The following C1orf141 variants were observed in gnomAD, a reference collection of about 807,000 sequenced individuals.
The protein encoded by C1orf141 is uncharacterized protein C1orf141.
In C1orf141, 19 loss-of-function variants were observed where a neutral mutation model predicts 23.2. The observed-to-expected ratio is 0.82, with a 90% CI of 0.57 to 1.20. The LOEUF (loss-of-function observed/expected upper bound fraction) is 1.20, where lower values mean the gene tolerates loss of function less well. Among genes scored for constraint, C1orf141 ranks in the 50% most tolerant of loss-of-function variants. The pLI is 0.00. For synonymous variants in C1orf141, 153 were observed against 154.6 expected (o/e 0.99, Z 0.08); for missense variants, 469 against 455.1 (o/e 1.03, Z -0.28).
At chr1:67,127,134 T>C in intron 3 of C1orf141, 32 bp downstream of exon 3, 2 of 1,449,354 alleles carry the variant, frequency 1.4e-6, no homozygotes, top group Non-Finnish European at 1.9e-6. Context: ...CTGTTAATGA[T>C]TAAACTGAAT....
At chr1:67,125,634 G>C in intron 4 of C1orf141, 118 bp downstream of exon 4, 1 of 970,236 alleles carries the variant, frequency 1.0e-6, no homozygotes, top group East Asian at 2.4e-5. Flanking sequence ...GGGAAGTTGA[G>C]GCTGCAGTGA....
At chr1:67,129,841 G>A (rs1218201534) in intron 2 of C1orf141, among the ~76,000 whole-genome samples, 1 of 152,162 alleles carries the variant, frequency 6.6e-6, no homozygotes, top group East Asian at 1.9e-4. Context: ...AACCTCACTA[G>A]TGCCAATTTG....
intron 5 of C1orf141, among the ~76,000 whole-genome samples, chr1:67,114,929 G>T (rs1053612410): frequency 6.6e-6 from 1 of 152,360 alleles, no homozygotes; most frequent in South Asian, 2.1e-4. Flanking sequence ...ACCCGCCTCG[G>T]CCTCCCAAAG....
chr1:67,103,026 G>T (rs1349325708), intron 5 of C1orf141, among the ~76,000 whole-genome samples: 1 of 152,052 alleles, frequency 6.6e-6, no homozygotes, highest in Non-Finnish European at 1.5e-5. Context: ...ACAGTAATTT[G>T]GTTAACTAAG....
intron 7 of C1orf141, 177 bp from the exon 8 acceptor site, chr1:67,093,781 A>G (rs1194134522): frequency 2.4e-6 from 1 of 417,884 alleles, no homozygotes; most frequent in East Asian, 3.7e-5. Context: ...TATGTAACAT[A>G]CATCCTTCTT....
At position 67,093,138 on chromosome 1, in the gene C1orf141, G is replaced by T. The variant is rs766369008; in HGVS notation, c.1070C>A (p.Thr357Lys). The T allele has an allele frequency of 1.9e-6, 3 of 1,613,908 alleles. No individual in the cohort carries two copies. Among genetic ancestry groups the T allele is most frequent in the Non-Finnish European group, 2.5e-6 (3 of 1,179,870 alleles). Residue 357 changes from threonine (T) to lysine (K), a missense_variant, in exon 8 of 8, where the codon ACG (threonine) becomes AAG (lysine). Coordinates refer to ENST00000684719, the MANE Select transcript of C1orf141 (RefSeq NM_001276351.2). The stretch of plus-strand genomic sequence containing the variant: ...TAAGGCACTGGATGTGGGTATGCTC[G>T]TTGGTTTTCCTGCAGAAAACATTCT... Reference protein sequence around the residue: ...FERMFSAGKPTSIPTSSALPV... With the variant: ...FERMFSAGKPKSIPTSSALPV...
upstream of C1orf141, chr1:67,138,816 G>A (rs185323899): frequency 3.9e-4 from 59 of 152,380 alleles, no homozygotes; most frequent in African/African-American, 1.4e-3. Flanking sequence ...GCAGCCCCCT[G>A]GTTCTAAGGA....
At chr1:67,093,765 T>C in intron 7 of C1orf141, 161 bp from the exon 8 acceptor site, 1 of 479,382 alleles carries the variant, frequency 2.1e-6, no homozygotes, top group East Asian at 3.4e-5. Context: ...GAAAATACTG[T>C]ACTTGTATGT....
intron 5 of C1orf141, among the ~76,000 whole-genome samples, chr1:67,096,609 G>A (rs1645687037): frequency 6.6e-6 from 1 of 152,192 alleles, no homozygotes; most frequent in Admixed American, 6.5e-5. Flanking sequence ...TTTCTGATAT[G>A]TGGAGCCATT....
At chr1:67,125,037 ACT>A (rs1646378331) in intron 4 of C1orf141, among the ~76,000 whole-genome samples, 1 of 152,224 alleles carries the variant, frequency 6.6e-6, no homozygotes, top group Admixed American at 6.5e-5. Context: ...TTATGCAAGT[ACT>A]AAATGCCAGT....
At chr1:67,104,367 C>T (rs1167802361) in intron 5 of C1orf141, among the ~76,000 whole-genome samples, 1 of 151,962 alleles carries the variant, frequency 6.6e-6, no homozygotes, top group East Asian at 1.9e-4. Context: ...AGCAGGAAGG[C>T]ATTTATTATT....
chr1:67,097,408 G>T (rs1645706655), intron 5 of C1orf141, among the ~76,000 whole-genome samples: 1 of 152,148 alleles, frequency 6.6e-6, no homozygotes, highest in Non-Finnish European at 1.5e-5. Context: ...TGAGTAAAGA[G>T]AAAGAGGCAG....
At chr1:67,114,608 G>A (rs919825660) in intron 5 of C1orf141, among the ~76,000 whole-genome samples, 1 of 152,156 alleles carries the variant, frequency 6.6e-6, no homozygotes, top group African/African-American at 2.4e-5. Flanking sequence ...AGAGAAAAAC[G>A]AAGGCAACAC....
intron 2 of C1orf141, among the ~76,000 whole-genome samples, chr1:67,130,228 G>C (rs1239856501): frequency 6.6e-6 from 1 of 152,142 alleles, no homozygotes; most frequent in Non-Finnish European, 1.5e-5. Flanking sequence ...GAGTTCAAGA[G>C]GGGGAGAAGG....
chr1:67,126,875 T>A (rs781562791), intron 3 of C1orf141, among the ~76,000 whole-genome samples: 1 of 152,238 alleles, frequency 6.6e-6, no homozygotes, highest in African/African-American at 2.4e-5. Context: ...CAAACCTGGA[T>A]GCAAATGTCC....
intron 2 of C1orf141, 127 bp from the exon 3 acceptor site, chr1:67,127,384 A>G: frequency 1.7e-6 from 1 of 580,212 alleles, no homozygotes; most frequent in East Asian, 3.0e-5. Context: ...TTTAAATCAT[A>G]CAGTAAATCA....
At chr1:67,133,129 A>C (rs2102512084) in intron 1 of C1orf141, among the ~76,000 whole-genome samples, 1 of 152,308 alleles carries the variant, frequency 6.6e-6, no homozygotes, top group East Asian at 1.9e-4. Context: ...CTTTGGGACT[A>C]AAAACAAACA....
intron 5 of C1orf141, among the ~76,000 whole-genome samples, chr1:67,108,919 A>T (rs1053380517): frequency 2.0e-5 from 3 of 152,182 alleles, no homozygotes; most frequent in Non-Finnish European, 2.9e-5. Flanking sequence ...TAATTTAAAA[A>T]TTTTTTAAAA....
rs758706442 is a variant in C1orf141 at position 67,125,890 on chromosome 1, T to G, written c.95A>C (p.Glu32Ala). 1 of 1,601,740 alleles carries G rather than the reference T, an allele frequency of 6.2e-7. No individual in the cohort carries two copies. Among genetic ancestry groups the G allele is most frequent in the Non-Finnish European group, 8.5e-7 (1 of 1,171,660 alleles). ...TATAGCCATAGTTGTTTTTCTTCCT[T>G]CACTCTGAAGCCTGTTTATCTGCAG... ...RRTKINRLQSEGRKTTMAIPL... is the reference protein window; with the variant it reads ...RRTKINRLQSAGRKTTMAIPL... Residue 32 changes from glutamate (E) to alanine (A), a missense_variant, in exon 4 of 8, where the codon GAA becomes GCA. Physicochemically the swap from Glu to Ala is moderately radical, Grantham distance 107 (BLOSUM62 -1). This residue lies in a region of C1orf141 where 95 missense variants were observed against 90.3 expected (regional missense o/e 1.05). Transcript: ENST00000684719.
Sources: gnomAD v4.1 joint callset for allele counts (sites outside exome capture counted in the v4.1 genomes callset) on GRCh38, gnomAD v4.1.1 for gene constraint, gnomAD v4.1.1 regional missense constraint, MANE v1.5 for transcripts, NCBI Gene and HGNC (gene_info 2026-07-23, HGNC 2026-07-21) for gene names.